EIF3I: variants seen among roughly 807,000 people sequenced by gnomAD.
EIF3I encodes the protein TGF-beta receptor-interacting protein 1.
Under a neutral mutation model 43.3 loss-of-function variants are expected in EIF3I, and 20 were observed. The ratio of observed to expected loss-of-function variants is 0.46; its 90% CI spans 0.32 to 0.67. The LOEUF (loss-of-function observed/expected upper bound fraction) is 0.67. EIF3I is among the 30% of genes least tolerant of loss of function. The pLI is 0.03. For synonymous variants in EIF3I, 167 were observed against 151.7 expected (o/e 1.10, Z -0.74); for missense variants, 279 against 421.4 (o/e 0.66, Z 2.96).
chr1:32,226,104 G>A, intron 4 of EIF3I, 67 bp from the exon 5 acceptor site: 6 of 1,568,402 alleles, frequency 3.8e-6, no homozygotes, highest in Non-Finnish European at 4.3e-6. Flanking sequence ...TGTGATGGTA[G>A]CATTCTCTAG....
chr1:32,229,041 C>A, intron 8 of EIF3I, 94 bp from the exon 9 acceptor site: 1 of 1,343,090 alleles, frequency 7.4e-7, no homozygotes, highest in Non-Finnish European at 1.0e-6. Context: ...TCCCATTGAG[C>A]CGTGTGAGAT....
rs1364218203 is a variant in EIF3I at position 32,226,392 on chromosome 1, G to A, written c.401-11G>A. The A allele has an allele frequency of 1.9e-6, 3 of 1,608,882 alleles. No homozygotes were observed. The Admixed American group carries it at 5.1e-5, about 27-fold the overall frequency. ...TAGAGCCCAGGGCCTAACATCTACT[G>A]CCCCACACAGACAACAATGAGCCCT... On this transcript the variant is annotated splice_polypyrimidine_tract_variant and intron_variant, in intron 5 of 11. Transcript: ENST00000676679.
downstream of EIF3I, chr1:32,235,334 G>GC (rs1639285189): frequency 6.9e-6 from 1 of 144,440 alleles, no homozygotes; most frequent in African/African-American, 2.5e-5. Context: ...CCATGAAATG[G>GC]TTTTTTTTTT....
chr1:32,233,506 G>T (rs1006854104), downstream of EIF3I, among the ~76,000 whole-genome samples: 16 of 151,804 alleles, frequency 1.1e-4, no homozygotes, highest in African/African-American at 3.1e-4. Context: ...GGCCAGGCTG[G>T]TCTCAAACTC....
intron 8 of EIF3I, 53 bp from the exon 9 acceptor site, chr1:32,229,082 C>A: frequency 1.3e-6 from 2 of 1,565,748 alleles, no homozygotes; most frequent in Non-Finnish European, 8.7e-7. Context: ...CAGAAAAACA[C>A]AAAATGGACT....
At chr1:32,233,098 A>G (rs1366416589), downstream of EIF3I, among the ~76,000 whole-genome samples, 6 of 152,212 alleles carry the variant, frequency 3.9e-5, no homozygotes, top group African/African-American at 1.2e-4. Flanking sequence ...GGTGCAAGCA[A>G]TTCTCATGCC....
chr1:32,233,582 G>A (rs984103048), downstream of EIF3I, among the ~76,000 whole-genome samples: 5 of 152,172 alleles, frequency 3.3e-5, no homozygotes, highest in Non-Finnish European at 7.3e-5. Flanking sequence ...GAGCCACCGC[G>A]CCCGGCCAGA....
At chr1:32,230,389 C>CT (rs1296673682) in intron 10 of EIF3I, among the ~76,000 whole-genome samples, 1 of 151,946 alleles carries the variant, frequency 6.6e-6, no homozygotes, top group East Asian at 2.0e-4. Context: ...ACATGGCCAC[C>CT]GTCCCTGGCT....
At chr1:32,232,737 A>G (rs1328688407), downstream of EIF3I, among the ~76,000 whole-genome samples, 1 of 152,156 alleles carries the variant, frequency 6.6e-6, no homozygotes, top group African/African-American at 2.4e-5. Flanking sequence ...CAATTTTAGG[A>G]GAAAGACTAA....
chr1:32,232,053 C>T (rs1015403712), downstream of EIF3I: 8 of 152,808 alleles, frequency 5.2e-5, no homozygotes, highest in Admixed American at 1.3e-4. Context: ...TTGCCACAGC[C>T]GCAGGCTCTG....
chr1:32,222,420 C>T (rs547246852), exon 1 of EIF3I: 8 of 1,592,540 alleles, frequency 5.0e-6, no homozygotes, highest in South Asian at 2.2e-5. Context: ...CACGTTGCGG[C>T]CTTCCTCGCG....
chr1:32,233,597 G>A (rs150781174), downstream of EIF3I, among the ~76,000 whole-genome samples: 3 of 152,208 alleles, frequency 2.0e-5, no homozygotes, highest in East Asian at 5.8e-4. Context: ...GCCAGATTAT[G>A]GCTGCTCTTA....
exon 8 of EIF3I, chr1:32,228,744 T>C (rs371066334): frequency 3.2e-5 from 51 of 1,613,916 alleles, no homozygotes; most frequent in African/African-American, 4.0e-5. Flanking sequence ...ACTCCACAAC[T>C]CTTGAACATC....
At chr1:32,228,353 T>G in intron 6 of EIF3I, 146 bp from the exon 7 acceptor site, 1 of 645,708 alleles carries the variant, frequency 1.5e-6, no homozygotes, top group Non-Finnish European at 2.9e-6. Flanking sequence ...AGTCAAGGGA[T>G]ATTTAGGGGT....
rs773615920 is a variant in EIF3I, at chr1:32,224,404, C to T, written c.185-6C>T. On this transcript the variant is annotated splice_polypyrimidine_tract_variant and splice_region_variant and intron_variant, in intron 3 of 11. Coordinates refer to ENST00000676679, the Ensembl canonical transcript of EIF3I. ...AACTTCGTCATATTTCTTAACAACT[C>T]TTCAGGGGACACCAAGCATGTCCTC... The T allele has an allele frequency of 6.2e-7, 1 of 1,613,470 alleles. No individual in the cohort carries two copies. The highest frequency in any genetic ancestry group is 8.5e-7 in the Non-Finnish European group (1 of 1,179,540).
chr1:32,226,498 G>C (rs1557554958), exon 6 of EIF3I: 1 of 1,582,798 alleles, frequency 6.3e-7, no homozygotes, highest in Non-Finnish European at 8.6e-7. Flanking sequence ...CGCTGGCCAT[G>C]AGAGTGGAGA....
At chr1:32,229,370 C>T (rs1423862119) in intron 9 of EIF3I, among the ~76,000 whole-genome samples, 162 bp downstream of exon 9, 1 of 152,008 alleles carries the variant, frequency 6.6e-6, no homozygotes, top group Non-Finnish European at 1.5e-5. Flanking sequence ...ACGCCATTCT[C>T]CTGCCTCAGC....
At chr1:32,228,420 A>G (rs1445759652) in intron 6 of EIF3I, 79 bp from the exon 7 acceptor site, 9 of 1,209,186 alleles carry the variant, frequency 7.4e-6, no homozygotes, top group Non-Finnish European at 1.1e-5. Flanking sequence ...CTCAGCTTTC[A>G]TTTGGGTGCT....
downstream of EIF3I, among the ~76,000 whole-genome samples, chr1:32,233,103 C>T (rs995839799): frequency 6.6e-5 from 10 of 152,206 alleles, 1 homozygote; most frequent in Non-Finnish European, 7.3e-5. Context: ...AAGCAATTCT[C>T]ATGCCTTAGC....
Sources: gnomAD v4.1 joint callset for allele counts (sites outside exome capture counted in the v4.1 genomes callset) on GRCh38, gnomAD v4.1.1 for gene constraint, MANE v1.5 for transcripts, NCBI Gene and HGNC (gene_info 2026-07-23, HGNC 2026-07-21) for gene names.